Variants in HDAC9 observed in about 807,000 individuals in gnomAD.
HDAC9 encodes MEF-2 interacting transcription repressor (MITR) protein.
HDAC9 carries 41 observed loss-of-function variants against 139.4 expected under a neutral mutation model. The observed-to-expected ratio is 0.29, with a 90% CI of 0.23 to 0.38. HDAC9 has a LOEUF of 0.38. HDAC9 is among the 10% of genes least tolerant of loss of function. The probability of loss-of-function intolerance (pLI) is 1.00; values close to 1 mark genes in which losing one functional copy is unlikely to be tolerated. For missense variants in HDAC9, 1,147 were observed against 1,297.0 expected (o/e 0.88, Z 1.78); for synonymous variants, 517 against 476.2 (o/e 1.09, Z -1.12).
intron 1 of HDAC9, among the ~76,000 whole-genome samples, chr7:18,414,447 A>G (rs1365724673): frequency 1.3e-5 from 2 of 152,094 alleles, no homozygotes; most frequent in Non-Finnish European, 2.9e-5. Context: ...AGTTGAGGTA[A>G]ATAACTTATC....
At chr7:18,946,884 C>A (rs558776068) in intron 23 of HDAC9, among the ~76,000 whole-genome samples, 1 of 152,112 alleles carries the variant, frequency 6.6e-6, no homozygotes, top group South Asian at 2.1e-4. Flanking sequence ...ACATTCTTAA[C>A]ATTTTTAAAA....
At chr7:18,951,982 G>A (rs964488869) in intron 23 of HDAC9, among the ~76,000 whole-genome samples, 6 of 151,658 alleles carry the variant, frequency 4.0e-5, no homozygotes, top group Non-Finnish European at 8.8e-5. Flanking sequence ...ATTATCCATT[G>A]CATACCTGCC....
chr7:18,138,698 C>A lies in HDAC9; in HGVS notation c.-96-23531C>A, dbSNP rs551167840. On this transcript the variant is annotated intron_variant, in intron 1 of 12. Coordinates refer to the HDAC9 transcript ENST00000417496. ...CATGCACCAGCCAAAAAATTAGGGG[C>A]TCAAGTCTATTTCATTAAGAATCTA... Among the ~76,000 whole-genome samples, 3 of 152,152 alleles carry A rather than the reference C, an allele frequency of 2.0e-5. No homozygotes were observed. The South Asian group carries it at 6.2e-4, about 32-fold the overall frequency.
chr7:18,127,602 A>G (rs991367948), intron 1 of HDAC9, among the ~76,000 whole-genome samples: 2 of 152,130 alleles, frequency 1.3e-5, no homozygotes, highest in African/African-American at 4.8e-5. Context: ...AAGGAATAGG[A>G]TTAGCCTGTT....
chr7:18,791,282 TC>T (rs1416691813), intron 16 of HDAC9, among the ~76,000 whole-genome samples: 3 of 150,834 alleles, frequency 2.0e-5, no homozygotes, highest in Non-Finnish European at 4.4e-5. Flanking sequence ...ACCGAATACA[TC>T]TTTTGGAATT....
chr7:18,494,075 T>C (rs1397322964), upstream of HDAC9, among the ~76,000 whole-genome samples: 3 of 152,114 alleles, frequency 2.0e-5, no homozygotes, highest in Non-Finnish European at 2.9e-5. Flanking sequence ...AAAAGTTTAT[T>C]TGTAATATCA....
chr7:18,482,579 T>C (rs1795657831), intron 1 of HDAC9, among the ~76,000 whole-genome samples: 1 of 151,992 alleles, frequency 6.6e-6, no homozygotes, highest in South Asian at 2.1e-4. Flanking sequence ...TACAGAAGGA[T>C]AGAAAATTGT....
intron 16 of HDAC9, among the ~76,000 whole-genome samples, chr7:18,784,710 G>A (rs1259241206): frequency 1.3e-5 from 2 of 151,982 alleles, no homozygotes; most frequent in Non-Finnish European, 2.9e-5. Context: ...GTTTTGAAAT[G>A]TTATACCCAT....
intron 17 of HDAC9, among the ~76,000 whole-genome samples, chr7:18,813,743 G>A (rs547600764): frequency 6.6e-6 from 1 of 152,284 alleles, no homozygotes; most frequent in Non-Finnish European, 1.5e-5. Flanking sequence ...GAAAGCTTAA[G>A]TTAGCCAAAT....
chr7:18,860,869 A>G (rs989737639), intron 21 of HDAC9, among the ~76,000 whole-genome samples: 1 of 152,136 alleles, frequency 6.6e-6, no homozygotes, highest in Non-Finnish European at 1.5e-5. Flanking sequence ...CTAGTGCATT[A>G]TGCTGGCAAA....
chr7:18,877,896 G>A (rs1799439247), intron 22 of HDAC9, among the ~76,000 whole-genome samples: 1 of 152,140 alleles, frequency 6.6e-6, no homozygotes, highest in African/African-American at 2.4e-5. Context: ...ATTGGTTTCT[G>A]CTGAAGTTTT....
chr7:18,797,579 G>A (rs963429635), intron 17 of HDAC9, among the ~76,000 whole-genome samples: 3 of 152,006 alleles, frequency 2.0e-5, no homozygotes, highest in African/African-American at 7.3e-5. Context: ...TGTAATCCCA[G>A]CACTTTGGGA....
chr7:18,921,999 A>G (rs7795954), intron 22 of HDAC9, among the ~76,000 whole-genome samples: 36,906 of 147,266 alleles, frequency 0.25, 4,824 homozygotes, highest in East Asian at 0.4. Flanking sequence ...AACACCGCAT[A>G]TTCTCACTCA....
At chr7:18,895,956 T>A (rs1801158723) in intron 22 of HDAC9, among the ~76,000 whole-genome samples, 1 of 152,108 alleles carries the variant, frequency 6.6e-6, no homozygotes, top group Admixed American at 6.6e-5. Context: ...GATTTTGTAT[T>A]CCTTGACTAT....
intron 2 of HDAC9, among the ~76,000 whole-genome samples, chr7:18,243,608 G>A (rs977119082): frequency 1.3e-5 from 2 of 152,208 alleles, no homozygotes; most frequent in Admixed American, 6.5e-5. Context: ...TATGGCAAAA[G>A]CCAAAAGGTA....
chr7:18,525,980 C>T (rs905135908), intron 2 of HDAC9, among the ~76,000 whole-genome samples: 2 of 152,296 alleles, frequency 1.3e-5, no homozygotes, highest in South Asian at 4.1e-4. Flanking sequence ...CTTGTGGCTT[C>T]CCCACTTTTA....
At chr7:18,380,552 A>G (rs1324111772) in intron 1 of HDAC9, among the ~76,000 whole-genome samples, 1 of 152,184 alleles carries the variant, frequency 6.6e-6, no homozygotes, top group Non-Finnish European at 1.5e-5. Flanking sequence ...GGATGCAGCA[A>G]TTGACTGTAT....
At chr7:18,428,762 A>G (rs1790356114) in intron 1 of HDAC9, among the ~76,000 whole-genome samples, 1 of 152,152 alleles carries the variant, frequency 6.6e-6, no homozygotes, top group Admixed American at 6.5e-5. Flanking sequence ...GCCTCAGAGT[A>G]AAAGCAAAAA....
intron 1 of HDAC9, among the ~76,000 whole-genome samples, chr7:18,484,181 A>G (rs2128129994): frequency 6.6e-6 from 1 of 151,242 alleles, no homozygotes; most frequent in South Asian, 2.1e-4. Flanking sequence ...CTCAAAAAAA[A>G]AAAAAAAAAA....
Sources: allele counts gnomAD v4.1 joint callset (sites outside exome capture counted in the v4.1 genomes callset), GRCh38; gene constraint gnomAD v4.1.1; transcripts MANE v1.5; gene names NCBI Gene and HGNC (gene_info 2026-07-23, HGNC 2026-07-21).